LRRC4C: variants seen among roughly 807,000 people sequenced by gnomAD.
The protein encoded by LRRC4C is leucine-rich repeat-containing protein 4C.
A neutral mutation model predicts 33.6 loss-of-function variants in LRRC4C; 5 were observed. That is an observed-to-expected ratio of 0.15 (90% CI 0.08 to 0.31). The LOEUF is 0.31. LRRC4C is among the 10% of genes least tolerant of loss of function. The pLI, the probability that LRRC4C is intolerant of heterozygous loss-of-function variation, is 1.00. For synonymous variants in LRRC4C, 329 were observed against 302.0 expected, an observed-to-expected ratio of 1.09 and a Z score of -0.93; for missense variants, 560 against 796.7, an observed-to-expected ratio of 0.70 and a Z score of 3.58.
chr11:41,074,686 GA>G (rs561319896), intron 1 of LRRC4C, among the ~76,000 whole-genome samples: 267 of 152,256 alleles, frequency 1.8e-3, no homozygotes, highest in Middle Eastern at 6.8e-3. Flanking sequence ...CTGACTTACT[GA>G]AAAACCAGTT....
chr11:41,423,711 C>T (rs1954945908), intron 1 of LRRC4C, among the ~76,000 whole-genome samples: 1 of 151,990 alleles, frequency 6.6e-6, no homozygotes, highest in Non-Finnish European at 1.5e-5. Flanking sequence ...TAGCAAATGC[C>T]CAGACTAAGA....
intron 1 of LRRC4C, among the ~76,000 whole-genome samples, chr11:41,211,573 T>C (rs1445181800): frequency 2.0e-5 from 3 of 152,032 alleles, no homozygotes. Flanking sequence ...TGTGAGAACA[T>C]GCAGTGTTTG....
At chr11:41,139,887 G>A (rs527413680) in intron 1 of LRRC4C, among the ~76,000 whole-genome samples, 3 of 152,242 alleles carry the variant, frequency 2.0e-5, no homozygotes, top group South Asian at 2.1e-4. Context: ...CACTGTGGCT[G>A]AAGGAAGCAT....
intron 1 of LRRC4C, among the ~76,000 whole-genome samples, chr11:41,399,889 C>T (rs750947202): frequency 5.9e-5 from 9 of 151,814 alleles, no homozygotes; most frequent in Non-Finnish European, 7.4e-5. Context: ...AAGGGAAAAG[C>T]GAGAGTTTAT....
chr11:40,646,462 G>T (rs1419720416), intron 3 of LRRC4C, among the ~76,000 whole-genome samples: 1 of 151,960 alleles, frequency 6.6e-6, no homozygotes, highest in Admixed American at 6.6e-5. Flanking sequence ...TTTTACATGG[G>T]TCACCTAAAT....
chr11:41,319,388 G>C (rs561990332), intron 1 of LRRC4C, among the ~76,000 whole-genome samples: 115 of 151,736 alleles, frequency 7.6e-4, no homozygotes, highest in Non-Finnish European at 1.4e-3. Flanking sequence ...GAGCATTCCT[G>C]TGGTCAGACT....
At chr11:41,164,018 T>C (rs1944603827) in intron 1 of LRRC4C, among the ~76,000 whole-genome samples, 1 of 152,308 alleles carries the variant, frequency 6.6e-6, no homozygotes, top group East Asian at 1.9e-4. Flanking sequence ...CTATAGTGTG[T>C]AATGATTAAA....
chr11:40,518,643 C>G (rs149542240), intron 3 of LRRC4C, among the ~76,000 whole-genome samples: 2,507 of 152,286 alleles, frequency 0.016, 85 homozygotes, highest in African/African-American at 0.057. Flanking sequence ...AACACTTACA[C>G]TGTTGGTGGG....
intron 2 of LRRC4C, among the ~76,000 whole-genome samples, chr11:40,689,896 C>T (rs1392944109): frequency 6.6e-6 from 1 of 152,094 alleles, no homozygotes; most frequent in Non-Finnish European, 1.5e-5. Context: ...GGTGATTTCT[C>T]TCCTTACCCA....
intron 2 of LRRC4C, among the ~76,000 whole-genome samples, chr11:40,721,212 G>A (rs945144608): frequency 7.9e-5 from 12 of 152,238 alleles, no homozygotes; most frequent in Non-Finnish European, 1.8e-4. Context: ...AAGGCCTTTG[G>A]GAAGGAATTA....
intron 1 of LRRC4C, among the ~76,000 whole-genome samples, chr11:40,978,160 C>A (rs1425310162): frequency 6.6e-6 from 1 of 152,182 alleles, no homozygotes; most frequent in Non-Finnish European, 1.5e-5. Flanking sequence ...CTCCGTTGAT[C>A]TTCCAAATCT....
intron 2 of LRRC4C, among the ~76,000 whole-genome samples, chr11:40,747,152 G>A (rs536185712): frequency 5.3e-5 from 8 of 151,724 alleles, no homozygotes; most frequent in South Asian, 2.1e-4. Context: ...CCCAAAGATC[G>A]GGCCCAAGGC....
chr11:40,563,951 T>C (rs1957654261), intron 3 of LRRC4C, among the ~76,000 whole-genome samples: 1 of 152,134 alleles, frequency 6.6e-6, no homozygotes, highest in Admixed American at 6.5e-5. Flanking sequence ...GGCCAATAAC[T>C]AGGGTTACAT....
intron 1 of LRRC4C, among the ~76,000 whole-genome samples, chr11:41,388,798 T>G (rs1953464624): frequency 1.3e-5 from 2 of 151,898 alleles, no homozygotes; most frequent in African/African-American, 4.8e-5. Context: ...GTTAGTGCCT[T>G]GATGAAAGTG....
intron 3 of LRRC4C, among the ~76,000 whole-genome samples, chr11:40,531,556 A>C (rs914959878): frequency 2.0e-5 from 3 of 152,146 alleles, no homozygotes; most frequent in African/African-American, 7.2e-5. Context: ...AATTATTTAG[A>C]ACTTGGTTTC....
intron 4 of LRRC4C, among the ~76,000 whole-genome samples, chr11:40,309,102 A>G (rs1387343553): frequency 6.6e-6 from 1 of 152,222 alleles, no homozygotes; most frequent in Non-Finnish European, 1.5e-5. Context: ...CGGTTATGCA[A>G]CCATCACCAC....
chr11:40,696,828 A>G (rs1424890234), intron 2 of LRRC4C, among the ~76,000 whole-genome samples: 3 of 148,300 alleles, frequency 2.0e-5, no homozygotes, highest in Non-Finnish European at 4.5e-5. Flanking sequence ...CTTTGCAACA[A>G]GCAGTCTAAG....
intron 2 of LRRC4C, among the ~76,000 whole-genome samples, chr11:40,867,027 C>A (rs531752715): frequency 6.6e-6 from 1 of 152,126 alleles, no homozygotes; most frequent in Non-Finnish European, 1.5e-5. Context: ...TGTATATGTT[C>A]CTTCACAGGA....
chr11:41,034,165 G>A (rs745704357), intron 1 of LRRC4C, among the ~76,000 whole-genome samples: 3 of 151,868 alleles, frequency 2.0e-5, no homozygotes, highest in Non-Finnish European at 2.9e-5. Context: ...ATGGATTACT[G>A]TTGCTATCAT....
Sources: allele counts gnomAD v4.1 joint callset (sites outside exome capture counted in the v4.1 genomes callset), GRCh38; gene constraint gnomAD v4.1.1; transcripts MANE v1.5; gene names NCBI Gene and HGNC (gene_info 2026-07-23, HGNC 2026-07-21).